Variants in RBKS observed in about 807,000 individuals in gnomAD.
RBKS encodes ribokinase.
Under a neutral mutation model 33.9 loss-of-function variants are expected in RBKS, and 33 were observed. That is an observed-to-expected ratio of 0.97 (90% CI 0.74 to 1.30). The LOEUF (loss-of-function observed/expected upper bound fraction) is 1.30. RBKS is among the 50% of genes most tolerant of loss of function. The pLI, the probability that RBKS is intolerant of heterozygous loss-of-function variation, is 0.00. For synonymous variants in RBKS, 125 were observed against 143.0 expected, an observed-to-expected ratio of 0.87 and a Z score of 0.90; for missense variants, 361 against 392.6, an observed-to-expected ratio of 0.92 and a Z score of 0.68.
chr2:27,789,925 G>GTATATGTGTATA, intron 7 of RBKS, among the ~76,000 whole-genome samples: 1 of 130,626 alleles, frequency 7.7e-6, no homozygotes, highest in African/African-American at 2.9e-5. Context: ...GTTTGTGTGT[G>GTATATGTGTATA]TATATATATA....
intron 5 of RBKS, among the ~76,000 whole-genome samples, chr2:27,836,930 A>AGAAC (rs1238393843): frequency 1.6e-4 from 24 of 150,904 alleles, no homozygotes; most frequent in African/African-American, 5.7e-4. Context: ...AGAAATGCAA[A>AGAAC]TCAAACTATA....
At chr2:27,877,763 T>C (rs1664342260) in intron 1 of RBKS, among the ~76,000 whole-genome samples, 1 of 152,064 alleles carries the variant, frequency 6.6e-6, no homozygotes, top group Non-Finnish European at 1.5e-5. Context: ...TGTTTCCAAC[T>C]ATTTTAGCCC....
chr2:27,789,056 A>G (rs1164158676), intron 7 of RBKS, among the ~76,000 whole-genome samples: 2 of 152,244 alleles, frequency 1.3e-5, no homozygotes, highest in Admixed American at 6.5e-5. Flanking sequence ...GAAAAAGAAC[A>G]AAGTTTCCAG....
intron 7 of RBKS, among the ~76,000 whole-genome samples, chr2:27,819,284 CAGAG>C (rs1294999165): frequency 6.6e-6 from 1 of 151,664 alleles, no homozygotes; most frequent in Non-Finnish European, 1.5e-5. Context: ...TGTGTGCACA[CAGAG>C]AGAGAGAGAA....
chr2:27,887,124 T>A (rs1246932980), intron 1 of RBKS, among the ~76,000 whole-genome samples: 3 of 152,152 alleles, frequency 2.0e-5, no homozygotes, highest in African/African-American at 7.2e-5. Flanking sequence ...TGGTTGTGCC[T>A]AATGTAATCA....
At chr2:27,855,059 C>G (rs114117339) in intron 2 of RBKS, among the ~76,000 whole-genome samples, 12 of 152,024 alleles carry the variant, frequency 7.9e-5, no homozygotes, top group African/African-American at 2.4e-4. Context: ...CCCGCCCCCC[C>G]ACCACACAAA....
intron 1 of RBKS, among the ~76,000 whole-genome samples, chr2:27,861,923 G>A (rs1663995794): frequency 1.3e-5 from 2 of 151,126 alleles, no homozygotes; most frequent in Admixed American, 1.3e-4. Context: ...GGGATTACAG[G>A]TGTGATCCAT....
intron 7 of RBKS, among the ~76,000 whole-genome samples, chr2:27,819,568 C>A (rs1278120386): frequency 6.6e-6 from 1 of 152,180 alleles, no homozygotes; most frequent in Non-Finnish European, 1.5e-5. Flanking sequence ...GAGGCATCAC[C>A]TATTGGCCGA....
intron 2 of RBKS, among the ~76,000 whole-genome samples, chr2:27,853,466 C>T (rs1426663127): frequency 1.3e-5 from 2 of 151,758 alleles, no homozygotes; most frequent in African/African-American, 4.8e-5. Context: ...TGAGACCAGC[C>T]TGGGCAACAT....
intron 1 of RBKS, chr2:27,870,893 G>C: frequency 2.2e-6 from 1 of 457,716 alleles, no homozygotes; most frequent in South Asian, 1.5e-5. Context: ...ACATCCTCCT[G>C]AAAAATACAT....
chr2:27,784,990 T>C (rs762162401), intron 7 of RBKS, among the ~76,000 whole-genome samples: 1 of 152,134 alleles, frequency 6.6e-6, no homozygotes, highest in Non-Finnish European at 1.5e-5. Flanking sequence ...TATGAAAACA[T>C]GGAAAATGCC....
chr2:27,847,027 A>G lies in RBKS; in HGVS notation c.349+15T>C, dbSNP rs1663634834. 1.9e-6 allele frequency: 3 copies of G among 1,567,160 alleles called. No homozygotes were observed. Among genetic ancestry groups the G allele is most frequent in the Non-Finnish European group, 2.6e-6 (3 of 1,138,072 alleles). ...CTGTCTTATGAAATGACACTCCAAT[A>G]TGCAAAACACTTACCTTCATTATTG... On this transcript the variant is annotated intron_variant, in intron 4 of 7. Transcript: ENST00000302188.
chr2:27,881,799 A>T (rs1664421780), intron 1 of RBKS, among the ~76,000 whole-genome samples: 6 of 152,184 alleles, frequency 3.9e-5, no homozygotes, highest in Admixed American at 3.9e-4. Flanking sequence ...GACAAAACAG[A>T]TAAAAACAAG....
At chr2:27,796,914 C>A (rs1418568436) in intron 7 of RBKS, among the ~76,000 whole-genome samples, 1 of 152,200 alleles carries the variant, frequency 6.6e-6, no homozygotes, top group Non-Finnish European at 1.5e-5. Context: ...CCTCACTCCT[C>A]TCTCCCTCCC....
intron 2 of RBKS, among the ~76,000 whole-genome samples, chr2:27,852,404 A>T (rs987455322): frequency 3.5e-4 from 53 of 152,292 alleles, no homozygotes; most frequent in African/African-American, 1.2e-3. Context: ...GTGTATGAGG[A>T]ACAAGAGCAT....
At position 27,883,898 on chromosome 2, in the gene RBKS, C is replaced by A. The variant is rs192741504; in HGVS notation, c.89+6359G>T. On this transcript the variant is annotated intron_variant, in intron 1 of 7. Coordinates refer to ENST00000302188, the MANE Select transcript of RBKS (RefSeq NM_022128.3). ...TGTATATTTTCATTAAAGGGACATACCAAATTTCCCATGAATGATTACTTT... is the reference window on the plus strand; with the variant it reads ...TGTATATTTTCATTAAAGGGACATAACAAATTTCCCATGAATGATTACTTT... 2.1e-3 allele frequency among the ~76,000 whole-genome samples: 313 copies of A among 152,132 alleles called. 1 individual carries two copies. The highest frequency in any genetic ancestry group is 7.1e-3 in the African/African-American group (294 of 41,504).
chr2:27,794,558 T>C (rs565012676), intron 7 of RBKS, among the ~76,000 whole-genome samples: 2 of 151,492 alleles, frequency 1.3e-5, no homozygotes, highest in East Asian at 3.9e-4. Context: ...GTTGTAACCA[T>C]GAACTAGACA....
intron 1 of RBKS, among the ~76,000 whole-genome samples, chr2:27,887,625 A>G (rs1044115203): frequency 2.6e-5 from 4 of 152,186 alleles, no homozygotes; most frequent in Non-Finnish European, 5.9e-5. Context: ...GAATTAGCAG[A>G]GAGAGTCTAT....
chr2:27,807,610 G>T (rs1677919418), intron 7 of RBKS, among the ~76,000 whole-genome samples: 2 of 152,056 alleles, frequency 1.3e-5, no homozygotes, highest in Admixed American at 6.6e-5. Flanking sequence ...GGGCTCAAGC[G>T]ATCCTCTTGT....
Sources: allele counts gnomAD v4.1 joint callset (sites outside exome capture counted in the v4.1 genomes callset), GRCh38; gene constraint gnomAD v4.1.1; transcripts MANE v1.5; gene names NCBI Gene and HGNC (gene_info 2026-07-23, HGNC 2026-07-21).